The following VPS13C variants were observed in gnomAD, a reference collection of about 807,000 sequenced individuals.
The protein encoded by VPS13C is vacuolar protein sorting 13 homolog C.
A neutral mutation model predicts 456.8 loss-of-function variants in VPS13C; 358 were observed. The ratio of observed to expected loss-of-function variants is 0.78; its 90% confidence interval spans 0.72 to 0.86. The LOEUF (loss-of-function observed/expected upper bound fraction) is 0.86, where lower values mean the gene tolerates loss of function less well. Among genes scored for constraint, VPS13C ranks in the 40% least tolerant of loss-of-function variants. VPS13C has a pLI of 0.00. For missense variants in VPS13C, 4,818 were observed against 4,385.4 expected, an observed-to-expected ratio of 1.10 and a Z score of -2.79; for synonymous variants, 1,578 against 1,486.7, an observed-to-expected ratio of 1.06 and a Z score of -1.41.
Position 61,946,298 on chromosome 15 carries a change from T to C in VPS13C, c.4980+9A>G, listed in dbSNP as rs755950257. On this transcript the variant is annotated intron_variant, in intron 44 of 84. Coordinates refer to ENST00000644861, the MANE Select transcript of VPS13C (RefSeq NM_020821.3). ...TAAATTCCAATATAAAAATCTATTT[T>C]TTAATCACCTTTTTGTGAATGGACT... 6 of 1,562,564 alleles carry C rather than the reference T, an allele frequency of 3.8e-6. No individual in the cohort carries two copies. Among genetic ancestry groups the C allele is most frequent in the Non-Finnish European group, 5.2e-6 (6 of 1,160,398 alleles).
chr15:61,908,752 A>C (rs78469900), intron 65 of VPS13C, among the ~76,000 whole-genome samples: 4,698 of 152,320 alleles, frequency 0.031, 114 homozygotes, highest in Non-Finnish European at 0.048. Context: ...AATTGATACG[A>C]AACTATTAAT....
In VPS13C at chr15:61,927,317, T is replaced by C. The variant is rs1320834044; in HGVS notation, c.6290A>G (p.Asp2097Gly). The C allele has an allele frequency of 6.2e-7, 1 of 1,610,938 alleles. No individual in the cohort carries two copies. The highest frequency in any genetic ancestry group is 8.5e-7 in the Non-Finnish European group (1 of 1,178,332). The change falls in exon 52 of 85, where the codon GAC becomes GGC. Residue 2097 changes from aspartate (D) to glycine (G), a missense_variant. Around this residue, in one of 3 missense-constraint regions of VPS13C, gnomAD observed 4,552 missense variants for 4,130.6 expected, o/e 1.10. Coordinates refer to ENST00000644861, the MANE Select transcript of VPS13C (RefSeq NM_020821.3). ...TAAAGTCATATTTGGTCTAACAGAG[T>C]CATCTGAAGAAACAAGCAACAGGAA... ...ATGKVKIEKD[D>G]SVRPNMTLKA...
chr15:62,029,277 A>C (rs11638793), intron 5 of VPS13C, among the ~76,000 whole-genome samples: 2 of 152,076 alleles, frequency 1.3e-5, no homozygotes, highest in South Asian at 4.1e-4. Flanking sequence ...GCTGAATAGT[A>C]AATCCTCAAT....
chr15:61,939,392 C>G (rs1229275427), intron 47 of VPS13C, among the ~76,000 whole-genome samples: 3 of 152,038 alleles, frequency 2.0e-5, no homozygotes, highest in African/African-American at 7.2e-5. Context: ...GAACAGAAAC[C>G]CTTCATTTCT....
At chr15:62,030,714 G>A (rs2047785352) in intron 5 of VPS13C, among the ~76,000 whole-genome samples, 1 of 152,068 alleles carries the variant, frequency 6.6e-6, no homozygotes, top group South Asian at 2.1e-4. Context: ...AATTCAGGGT[G>A]CAAGGAGATA....
rs754895673 is a variant in VPS13C at position 61,922,394 on chromosome 15, T to C, written c.6975+3A>G. The C allele has an allele frequency of 1.9e-6, 3 of 1,610,862 alleles. No individual in the cohort carries two copies. The highest frequency in any genetic ancestry group is 1.7e-5 in the Admixed American group (1 of 59,774). ...CTGAAGGTATTAAGTGATGTGGCCA[T>C]ACCTGTAGTGTCACGTCAGCAACAG... On this transcript the variant is annotated splice_donor_region_variant and intron_variant, in intron 54 of 84. Transcript: ENST00000644861.
chr15:62,055,124 A>C (rs1228035064), intron 1 of VPS13C, among the ~76,000 whole-genome samples: 2 of 152,254 alleles, frequency 1.3e-5, no homozygotes, highest in African/African-American at 2.4e-5. Flanking sequence ...GAACAGAAAC[A>C]GAAAGACAAT....
chr15:61,945,916 A>C, intron 44 of VPS13C, 34 bp from the exon 45 acceptor site: 1 of 1,563,278 alleles, frequency 6.4e-7, no homozygotes, highest in African/African-American at 1.4e-5. Flanking sequence ...TATTATATCA[A>C]AAGAGCTGTA....
intron 12 of VPS13C, among the ~76,000 whole-genome samples, chr15:62,011,135 G>A (rs142159913): frequency 3.0e-4 from 45 of 152,156 alleles, no homozygotes; most frequent in African/African-American, 9.9e-4. Flanking sequence ...TCTTCAAGTT[G>A]AGAAGTAATA....
intron 16 of VPS13C, among the ~76,000 whole-genome samples, chr15:61,994,015 G>C (rs2046301851): frequency 6.6e-6 from 1 of 151,984 alleles, no homozygotes; most frequent in African/African-American, 2.4e-5. Flanking sequence ...TGAGACCTAA[G>C]ATGAAGACGG....
intron 27 of VPS13C, among the ~76,000 whole-genome samples, chr15:61,971,732 T>A (rs977422206): frequency 4.6e-5 from 7 of 152,284 alleles, no homozygotes; most frequent in African/African-American, 1.7e-4. Flanking sequence ...ATTTTGAATT[T>A]AGGGTCATGG....
At chr15:62,013,161 G>A (rs1443777828) in intron 10 of VPS13C, 42 bp from the exon 11 acceptor site, 3 of 1,403,830 alleles carry the variant, frequency 2.1e-6, no homozygotes, top group Non-Finnish European at 2.9e-6. Flanking sequence ...TCAACACACT[G>A]AAATTATGAA....
intron 18 of VPS13C, among the ~76,000 whole-genome samples, chr15:61,988,976 C>T (rs2046142136): frequency 6.6e-6 from 1 of 151,944 alleles, no homozygotes; most frequent in African/African-American, 2.4e-5. Flanking sequence ...GTTTCATGAC[C>T]TTGCAATGAG....
At chr15:61,969,125 T>C (rs930630654) in intron 28 of VPS13C, among the ~76,000 whole-genome samples, 174 bp downstream of exon 28, 2 of 152,128 alleles carry the variant, frequency 1.3e-5, no homozygotes, top group Non-Finnish European at 2.9e-5. Context: ...CCATAGATTA[T>C]AACACTGCCT....
At chr15:62,035,513 T>C (rs1191028153) in intron 3 of VPS13C, among the ~76,000 whole-genome samples, 8 of 151,910 alleles carry the variant, frequency 5.3e-5, no homozygotes, top group Admixed American at 2.6e-4. Context: ...CATCAACAAA[T>C]AAATCCTTAT....
chr15:61,936,187 C>T (rs2044221164), intron 48 of VPS13C, among the ~76,000 whole-genome samples: 2 of 152,060 alleles, frequency 1.3e-5, no homozygotes, highest in African/African-American at 2.4e-5. Flanking sequence ...TCCAATAAGT[C>T]CAGATAAATA....
At chr15:62,043,108 T>C (rs755338960) in intron 2 of VPS13C, among the ~76,000 whole-genome samples, 1 of 151,968 alleles carries the variant, frequency 6.6e-6, no homozygotes, top group Non-Finnish European at 1.5e-5. Context: ...AACAACAGAA[T>C]CAGGTCTACA....
At chr15:62,029,101 G>C (rs1167358873) in intron 5 of VPS13C, among the ~76,000 whole-genome samples, 3 of 152,036 alleles carry the variant, frequency 2.0e-5, no homozygotes, top group Non-Finnish European at 2.9e-5. Context: ...AAGATCTAGA[G>C]CCAGACCGGA....
At position 61,979,048 on chromosome 15, in the gene VPS13C, T is replaced by A. The variant is rs1462584760; in HGVS notation, c.2167-299A>T. Among the ~76,000 whole-genome samples, 11 of 152,170 alleles carry A rather than the reference T, an allele frequency of 7.2e-5. 1 individual carries two copies. Among genetic ancestry groups the A allele is most frequent in the Admixed American group, 5.9e-4 (9 of 15,274 alleles). ...TCCTCCTCTTCCTGGCTCTCAGGAATTATTGCCACTTAGAGTCCAGCTCCC... is the reference window on the plus strand; with the variant it reads ...TCCTCCTCTTCCTGGCTCTCAGGAAATATTGCCACTTAGAGTCCAGCTCCC... On this transcript the variant is annotated intron_variant, in intron 22 of 84. Transcript: ENST00000644861.
Sources: allele counts gnomAD v4.1 joint callset (sites outside exome capture counted in the v4.1 genomes callset), GRCh38; gene constraint gnomAD v4.1.1; regional missense constraint gnomAD v4.1.1; transcripts MANE v1.5; gene names NCBI Gene and HGNC (gene_info 2026-07-23, HGNC 2026-07-21).